CHST9: variants seen among roughly 807,000 people sequenced by gnomAD.
CHST9 encodes the protein GalNAc-4-sulfotransferase 2.
In CHST9, 41 loss-of-function variants were observed where a neutral mutation model predicts 44.4. The observed-to-expected ratio is 0.92, with a 90% confidence interval of 0.72 to 1.20. CHST9 has a LOEUF of 1.20. Among genes scored for constraint, CHST9 ranks in the 50% most tolerant of loss-of-function variants. The pLI is 0.00. For synonymous variants in CHST9, 171 were observed against 178.4 expected (o/e 0.96, Z 0.33); for missense variants, 504 against 516.5 (o/e 0.98, Z 0.23).
chr18:26,999,298 T>C (rs1341388836), intron 4 of CHST9, among the ~76,000 whole-genome samples: 1 of 152,218 alleles, frequency 6.6e-6, no homozygotes, highest in African/African-American at 2.4e-5. Context: ...TTTTTATTAC[T>C]TTTTAAAAAT....
At chr18:27,144,716 A>T (rs1216031565) in intron 1 of CHST9, among the ~76,000 whole-genome samples, 3 of 152,052 alleles carry the variant, frequency 2.0e-5, no homozygotes, top group Non-Finnish European at 4.4e-5. Flanking sequence ...AATAAATAAA[A>T]AACAAAAACA....
chr18:26,928,621 G>A (rs2055820505), intron 5 of CHST9, among the ~76,000 whole-genome samples: 1 of 152,166 alleles, frequency 6.6e-6, no homozygotes, highest in Admixed American at 6.5e-5. Context: ...AGAAAGGAAA[G>A]GCACAGAATA....
intron 2 of CHST9, among the ~76,000 whole-genome samples, chr18:27,069,827 G>A (rs1398683391): frequency 6.6e-6 from 1 of 152,134 alleles, no homozygotes; most frequent in Non-Finnish European, 1.5e-5. Context: ...ACAAATTACA[G>A]CAAAAGGATA....
intron 1 of CHST9, among the ~76,000 whole-genome samples, chr18:27,155,988 G>T (rs2058695718): frequency 6.6e-6 from 1 of 151,870 alleles, no homozygotes; most frequent in South Asian, 2.1e-4. Flanking sequence ...ATAATTCAAA[G>T]GAAAAGATCA....
At chr18:26,990,256 A>T (rs1267596813) in intron 4 of CHST9, among the ~76,000 whole-genome samples, 1 of 152,078 alleles carries the variant, frequency 6.6e-6, no homozygotes, top group Non-Finnish European at 1.5e-5. Flanking sequence ...ACACAAGGAA[A>T]CTCTTTCTTT....
chr18:26,907,915 C>A lies in CHST9; in HGVS notation c.*8344G>T. The A allele has an allele frequency of 5.7e-6, 1 of 175,320 alleles. No homozygotes were observed. The allele number at this position is 175,320 out of a possible 1,614,324, so 10.9% of individuals were successfully genotyped here. A position where few individuals can be genotyped will look rare whatever the true frequency, so the allele number is the denominator to read the frequency against. ...GAAATACGCCAGTCACAAAAAGACA[C>A]ATGCTGTATGATTCCATTTATATGA... is the stretch of plus-strand genomic sequence containing the variant. On this transcript the variant is annotated 3_prime_UTR_variant, in exon 6 of 6. Transcript: ENST00000618847.
chr18:27,182,133 T>A, intron 1 of CHST9, among the ~76,000 whole-genome samples: 1 of 78,212 alleles, frequency 1.3e-5, no homozygotes, highest in East Asian at 5.3e-4. Flanking sequence ...ATTTTTCTCA[T>A]TAACATGAAT....
At chr18:27,027,625 C>T (rs2057296853) in intron 3 of CHST9, among the ~76,000 whole-genome samples, 1 of 152,186 alleles carries the variant, frequency 6.6e-6, no homozygotes. Context: ...ATCAGACATG[C>T]TGCTGAGTGC....
At chr18:27,021,535 C>A (rs1245239834) in intron 4 of CHST9, among the ~76,000 whole-genome samples, 1 of 152,198 alleles carries the variant, frequency 6.6e-6, no homozygotes, top group Non-Finnish European at 1.5e-5. Context: ...ACCATCAACT[C>A]ATTCCTTTTG....
At chr18:27,159,738 T>C (rs1402706380) in intron 1 of CHST9, among the ~76,000 whole-genome samples, 1 of 152,218 alleles carries the variant, frequency 6.6e-6, no homozygotes, top group African/African-American at 2.4e-5. Flanking sequence ...TTCCTACCCA[T>C]GAGCATGGAA....
intron 2 of CHST9, among the ~76,000 whole-genome samples, chr18:27,062,519 C>T (rs2057736218): frequency 6.6e-6 from 1 of 152,170 alleles, no homozygotes. Flanking sequence ...GCATAGTATT[C>T]CATGGTGTAT....
intron 2 of CHST9, among the ~76,000 whole-genome samples, chr18:27,122,390 A>C (rs1346441295): frequency 6.6e-6 from 1 of 152,254 alleles, no homozygotes; most frequent in African/African-American, 2.4e-5. Context: ...GTAGACCTCT[A>C]TTCAGAGTTA....
At chr18:27,149,680 T>G (rs1297459003) in intron 1 of CHST9, among the ~76,000 whole-genome samples, 2 of 151,826 alleles carry the variant, frequency 1.3e-5, no homozygotes, top group Non-Finnish European at 2.9e-5. Context: ...CCTCACAAGG[T>G]TTTCAACTGC....
chr18:27,130,014 G>A (rs547704873), intron 2 of CHST9, among the ~76,000 whole-genome samples: 1 of 152,224 alleles, frequency 6.6e-6, no homozygotes, highest in East Asian at 1.9e-4. Context: ...AGGTGGAGGA[G>A]GGGAAGGGAA....
chr18:27,158,953 G>A (rs1300905752), intron 1 of CHST9, among the ~76,000 whole-genome samples: 2 of 152,216 alleles, frequency 1.3e-5, no homozygotes, highest in African/African-American at 2.4e-5. Context: ...TTTTGATGGG[G>A]CTGTTTGTTT....
chr18:27,084,461 T>G (rs1344663990), intron 2 of CHST9, among the ~76,000 whole-genome samples: 1 of 150,914 alleles, frequency 6.6e-6, no homozygotes, highest in East Asian at 1.9e-4. Context: ...TCGCTGGGTT[T>G]TTTTTTTTTT....
At chr18:27,106,286 A>G (rs1270122424) in intron 2 of CHST9, among the ~76,000 whole-genome samples, 1 of 152,194 alleles carries the variant, frequency 6.6e-6, no homozygotes, top group African/African-American at 2.4e-5. Flanking sequence ...TAATTCTAAG[A>G]GTAAAATTAG....
chr18:27,124,661 A>T (rs2143818906), intron 2 of CHST9, among the ~76,000 whole-genome samples: 1 of 152,336 alleles, frequency 6.6e-6, no homozygotes, highest in Admixed American at 6.5e-5. Flanking sequence ...TTCAGGTTGC[A>T]GTTATAACTT....
At chr18:27,172,076 G>A (rs1483769081) in intron 1 of CHST9, among the ~76,000 whole-genome samples, 2 of 151,930 alleles carry the variant, frequency 1.3e-5, no homozygotes, top group Admixed American at 6.6e-5. Context: ...TCTTTTACAC[G>A]GATTTATTAT....
Sources: allele counts gnomAD v4.1 joint callset (sites outside exome capture counted in the v4.1 genomes callset), GRCh38; gene constraint gnomAD v4.1.1; transcripts MANE v1.5; gene names NCBI Gene and HGNC (gene_info 2026-07-23, HGNC 2026-07-21).